PACS2: variants seen among roughly 807,000 people sequenced by gnomAD.
The protein encoded by PACS2 is phosphofurin acidic cluster sorting protein 2.
PACS2 carries 36 observed loss-of-function variants against 113.0 expected under a neutral mutation model. The observed-to-expected ratio is 0.32, with a 90% CI of 0.24 to 0.42. The LOEUF (loss-of-function observed/expected upper bound fraction) is 0.42, where lower values mean the gene tolerates loss of function less well. Among genes scored for constraint, PACS2 ranks in the 10% least tolerant of loss-of-function variants. PACS2 has a pLI of 1.00. For missense variants in PACS2, 1,015 were observed against 1,239.5 expected, an observed-to-expected ratio of 0.82 and a Z score of 2.72; for synonymous variants, 589 against 536.1, an observed-to-expected ratio of 1.10 and a Z score of -1.36.
Position 105,382,802 on chromosome 14 carries a change from G to A in PACS2, c.1519-5G>A, listed in dbSNP as rs782335965. The A allele has an allele frequency of 2.5e-6, 4 of 1,573,458 alleles. No homozygotes were observed. Among genetic ancestry groups the A allele is most frequent in the East Asian group, 2.3e-5 (1 of 44,312 alleles). The stretch of plus-strand genomic sequence containing the variant: ...CGAAGTCAGCGTCTGCCTGTCTTCT[G>A]CCAGTTCCTCTCCGACGTCCTGCAG... On this transcript the variant is annotated splice_polypyrimidine_tract_variant and splice_region_variant and intron_variant, in intron 14 of 24. Coordinates refer to ENST00000447393, the MANE Select transcript of PACS2 (RefSeq NM_001100913.3).
At position 105,348,372 on chromosome 14, in the gene PACS2, TCACACCCCGCCCTGCAC is replaced by T. The variant is rs1555403115; in HGVS notation, c.120-119_120-103del. ...TGAGGTCCTGGGGCCGCCCAGGCAGTCACACCCCGCCCTGCACCCCAGGGTGCAGGCTCCCGGGGTGA... is the reference window on the plus strand; with the variant it reads ...TGAGGTCCTGGGGCCGCCCAGGCAGTCCCAGGGTGCAGGCTCCCGGGGTGA... On this transcript the variant is annotated intron_variant, in intron 1 of 24. Coordinates refer to ENST00000447393, the MANE Select transcript of PACS2 (RefSeq NM_001100913.3). The surrounding 1 kb of genome is among the most constrained non-coding windows in gnomAD (Gnocchi z 6.4). 712 of 690,240 alleles carry T rather than the reference TCACACCCCGCCCTGCAC, an allele frequency of 1.0e-3. 6 individuals are homozygous for T. The East Asian group carries it at 0.017, about 16-fold the overall frequency. 42.8% of individuals were successfully genotyped at this position (690,240 alleles called of 1,614,324 possible).
rs1237017091 is a variant in PACS2 at position 105,340,351 on chromosome 14, A to G, written c.120-8142A>G. Among the ~76,000 whole-genome samples the G allele has an allele frequency of 6.6e-6, 1 of 152,220 alleles. No homozygotes were observed. The highest frequency in any genetic ancestry group is 1.5e-5 in the Non-Finnish European group (1 of 68,038). ...AATGGATGGATAATCTCATTGTGAA[A>G]AAGAGGAAGGAACAAATGGGGGAGT... is the stretch of plus-strand genomic sequence containing the variant. On this transcript the variant is annotated intron_variant, in intron 1 of 24. Coordinates refer to ENST00000447393, the MANE Select transcript of PACS2 (RefSeq NM_001100913.3). This position sits in a 1 kb window ranked among gnomAD's most constrained non-coding sequence, Gnocchi z 4.2.
Position 105,357,488 on chromosome 14 carries a change from C to G in PACS2, c.423+2311C>G, listed in dbSNP as rs113621238. Among the ~76,000 whole-genome samples the G allele has an allele frequency of 6.6e-6, 1 of 152,118 alleles. No homozygotes were observed. The highest frequency in any genetic ancestry group is 2.4e-5 in the African/African-American group (1 of 41,414). ...CCCTCCAGCATCTCCTCCAGGCCCT[C>G]GGGGCATCCTTCCACCTTCCACTGG... is the stretch of plus-strand genomic sequence containing the variant. On this transcript the variant is annotated intron_variant, in intron 4 of 24. Coordinates refer to ENST00000447393, the MANE Select transcript of PACS2 (RefSeq NM_001100913.3). The surrounding 1 kb of genome is among the most constrained non-coding windows in gnomAD (Gnocchi z 5.1).
At chr14:105,362,275 G>C (rs587632594) in intron 4 of PACS2, among the ~76,000 whole-genome samples, 1 of 150,876 alleles carries the variant, frequency 6.6e-6, no homozygotes, top group Non-Finnish European at 1.5e-5. Context: ...AAAATTAGCT[G>C]GGCGTGGTGG....
intron 19 of PACS2, among the ~76,000 whole-genome samples, chr14:105,386,611 C>A (rs1191430454): frequency 2.0e-5 from 3 of 152,086 alleles, no homozygotes; most frequent in Non-Finnish European, 4.4e-5. Flanking sequence ...CGTTCTCTAC[C>A]CCGTGTCTTC....
chr14:105,314,599 G>T (rs1163339956), upstream of PACS2: 1 of 144,604 alleles, frequency 6.9e-6, no homozygotes, highest in Non-Finnish European at 1.5e-5. Context: ...GCGCTGCGCC[G>T]GCGGCGATTG....
intron 1 of PACS2, among the ~76,000 whole-genome samples, chr14:105,302,433 C>A (rs916950029): frequency 6.6e-6 from 1 of 151,912 alleles, no homozygotes; most frequent in Non-Finnish European, 1.5e-5. Flanking sequence ...GAACTCCCGA[C>A]CTCAGGTGAT....
rs587743593 is a variant in PACS2 at position 105,330,178 on chromosome 14, G to A, written c.119+15141G>A. Among the ~76,000 whole-genome samples, 8 of 144,402 alleles carry A rather than the reference G, an allele frequency of 5.5e-5. No homozygotes were observed. The highest frequency in any genetic ancestry group is 2.0e-4 in the East Asian group (1 of 4,896). 94.7% of individuals were successfully genotyped at this position (144,402 alleles called of 152,430 possible). The stretch of plus-strand genomic sequence containing the variant: ...GAAGCCTGGGGTCCGTGTGTGGGAC[G>A]GAACGGGGACAGGGAGCCTCCGAGA... On this transcript the variant is annotated intron_variant, in intron 1 of 24. Coordinates refer to ENST00000447393, the MANE Select transcript of PACS2 (RefSeq NM_001100913.3). The surrounding 1 kb of genome is among the most constrained non-coding windows in gnomAD (Gnocchi z 6.9).
At position 105,376,249 on chromosome 14, in the gene PACS2, T is replaced by C. The variant is rs782229208; in HGVS notation, c.802-519T>C. 4.0e-5 allele frequency among the ~76,000 whole-genome samples: 6 copies of C among 151,830 alleles called. No individual in the cohort carries two copies. Among genetic ancestry groups the C allele is most frequent in the Non-Finnish European group, 7.4e-5 (5 of 67,934 alleles). On this transcript the variant is annotated intron_variant, in intron 8 of 24. Coordinates refer to ENST00000447393, the MANE Select transcript of PACS2 (RefSeq NM_001100913.3). This position sits in a 1 kb window ranked among gnomAD's most constrained non-coding sequence, Gnocchi z 4.7. ...CAGTGGAACATGAAGTGTGCCACGC[T>C]GGGTGGATGACGCCCTCCTCCCCCC... is the stretch of plus-strand genomic sequence containing the variant.
At chr14:105,386,117 T>A (rs929606624) in intron 19 of PACS2, among the ~76,000 whole-genome samples, 2 of 152,220 alleles carry the variant, frequency 1.3e-5, no homozygotes, top group Non-Finnish European at 2.9e-5. Context: ...CCTCCTCGTT[T>A]TAAACCAGGA....
intron 1 of PACS2, among the ~76,000 whole-genome samples, chr14:105,306,826 G>A (rs1021142021): frequency 1.3e-5 from 2 of 151,942 alleles, no homozygotes; most frequent in African/African-American, 4.8e-5. Flanking sequence ...GGCTCGTCTT[G>A]AATTCCTGAC....
intron 4 of PACS2, among the ~76,000 whole-genome samples, chr14:105,359,919 C>T (rs587594574): frequency 2.2e-4 from 34 of 152,248 alleles, no homozygotes; most frequent in Admixed American, 1.6e-3. Context: ...CATGAGCCAC[C>T]GTGCCCAGCC....
chr14:105,385,389 C>T lies in PACS2; in HGVS notation c.2001-296C>T, dbSNP rs76294251. On this transcript the variant is annotated intron_variant, in intron 18 of 24. Coordinates refer to ENST00000447393, the MANE Select transcript of PACS2 (RefSeq NM_001100913.3). ...GGGCCCTGTGGGTGAGTGATCAGCT[C>T]GTGTCCTCACCTGCCCAGAGCAGGA... Among the ~76,000 whole-genome samples the T allele has an allele frequency of 6.6e-3, 1,000 of 152,290 alleles. 12 individuals carry two copies. The highest frequency in any genetic ancestry group is 0.023 in the African/African-American group (946 of 41,556).
Position 105,384,413 on chromosome 14 carries a change from A to G in PACS2, c.1841A>G (p.Gln614Arg). 1 of 1,612,548 alleles carries G rather than the reference A, an allele frequency of 6.2e-7. No homozygotes were observed. The highest frequency in any genetic ancestry group is 8.5e-7 in the Non-Finnish European group (1 of 1,179,832). ...SVDYRYNNFF[Q>R]DLAWRDLFNK... ...GACTACCGCTACAACAACTTCTTCC[A>G]GGACCTGGCCTGGAGAGACCTGTTC... The change falls in exon 17 of 25, where the codon CAG becomes CGG. Residue 614 changes from glutamine (Q) to arginine (R), a missense_variant. Gln to Arg is a conservative substitution (Grantham distance 43, BLOSUM62 1). This residue lies in a region of PACS2 where 859 missense variants were observed against 1,056.8 expected (regional missense o/e 0.81). Transcript: ENST00000447393.
chr14:105,350,857 G>T (rs587612951), intron 2 of PACS2, among the ~76,000 whole-genome samples: 6 of 152,236 alleles, frequency 3.9e-5, no homozygotes, highest in African/African-American at 1.4e-4. Context: ...AGACCACAAC[G>T]CAGGGGCAGC....
At chr14:105,367,571 G>T (rs782774168) in intron 5 of PACS2, among the ~76,000 whole-genome samples, 196 bp downstream of exon 5, 6 of 152,242 alleles carry the variant, frequency 3.9e-5, no homozygotes, top group Non-Finnish European at 2.9e-5. Context: ...ACAGGTCCCT[G>T]TTCTGCCCCC....
chr14:105,391,650 C>T lies in PACS2; in HGVS notation c.2139C>T (p.Ala713=), dbSNP rs1555414863. The T allele has an allele frequency of 1.9e-6, 3 of 1,610,518 alleles. No individual in the cohort carries two copies. The highest frequency in any genetic ancestry group is 2.5e-6 in the Non-Finnish European group (3 of 1,179,468). Residue 713 remains alanine (A), a synonymous_variant, in exon 22 of 25, where the codon GCC becomes GCT. Transcript: ENST00000447393. ...SATSGDSDDA[A]PSGSGTLSST... ...CCAAAGGCGACTCGGACGACGCGGCCCCCTCGGGCTCTGGCACGCTCTCCT... is the reference window on the plus strand; with the variant it reads ...CCAAAGGCGACTCGGACGACGCGGCTCCCTCGGGCTCTGGCACGCTCTCCT...
upstream of PACS2, among the ~76,000 whole-genome samples, chr14:105,313,802 G>C (rs949408207): frequency 6.6e-6 from 1 of 152,228 alleles, no homozygotes; most frequent in African/African-American, 2.4e-5. Context: ...CTAAATCTCG[G>C]CTTGGCATCT....
At position 105,348,105 on chromosome 14, in the gene PACS2, G is replaced by A. The variant is rs1054313852; in HGVS notation, c.120-388G>A. ...GCTGGGCCTGGGGCTGGATAGGGCC[G>A]CGGGAGAGGGGAGGCCTGTGCTCTC... On this transcript the variant is annotated intron_variant, in intron 1 of 24. Transcript: ENST00000447393. This position sits in a 1 kb window ranked among gnomAD's most constrained non-coding sequence, Gnocchi z 6.4. Among the ~76,000 whole-genome samples the A allele has an allele frequency of 4.6e-5, 7 of 152,276 alleles. No individual in the cohort carries two copies. The highest frequency in any genetic ancestry group is 1.9e-4 in the East Asian group (1 of 5,176).
Sources: gnomAD v4.1 joint callset for allele counts (sites outside exome capture counted in the v4.1 genomes callset) on GRCh38, gnomAD v4.1.1 for gene constraint, gnomAD v4.1.1 regional missense constraint, Gnocchi (gnomAD v3.1) non-coding constraint, MANE v1.5 for transcripts, NCBI Gene and HGNC (gene_info 2026-07-23, HGNC 2026-07-21) for gene names.